PARD3B: variants seen among roughly 807,000 people sequenced by gnomAD.
The protein encoded by PARD3B is par-3 family cell polarity regulator beta.
Under a neutral mutation model 130.2 loss-of-function variants are expected in PARD3B, and 103 were observed. The observed-to-expected ratio is 0.79, with a 90% CI of 0.67 to 0.93. The LOEUF (loss-of-function observed/expected upper bound fraction) is 0.93, where lower values mean the gene tolerates loss of function less well. Ranked by LOEUF, PARD3B falls within the 40% of genes least tolerant of loss-of-function variation. The pLI, the probability that PARD3B is intolerant of heterozygous loss-of-function variation, is 0.00. For synonymous variants in PARD3B, 583 were observed against 553.2 expected (o/e 1.05, Z -0.76); for missense variants, 1,609 against 1,499.2 (o/e 1.07, Z -1.21).
intron 1 of PARD3B, among the ~76,000 whole-genome samples, chr2:204,645,466 T>A (rs1051424834): frequency 6.6e-6 from 1 of 152,160 alleles, no homozygotes; most frequent in Non-Finnish European, 1.5e-5. Context: ...AAATTTTGTT[T>A]CATGGGTTTC....
intron 21 of PARD3B, among the ~76,000 whole-genome samples, chr2:205,526,468 G>C (rs77730142): frequency 0.014 from 2,109 of 152,266 alleles, 12 homozygotes; most frequent in South Asian, 0.027. Context: ...AAGTATGCCA[G>C]CCAGAAAGTC....
At chr2:205,111,914 C>A (rs1298644638) in intron 5 of PARD3B, among the ~76,000 whole-genome samples, 1 of 152,042 alleles carries the variant, frequency 6.6e-6, no homozygotes, top group African/African-American at 2.4e-5. Context: ...TAAAAATGCA[C>A]TATAAATTCT....
In PARD3B at chr2:205,161,651, G is replaced by T. The variant is rs913761457; in HGVS notation, c.1620+2744G>T. 1.8e-4 allele frequency among the ~76,000 whole-genome samples: 28 copies of T among 152,304 alleles called. No individual in the cohort carries two copies. In the East Asian group the frequency reaches 4.4e-3, roughly 24 times the overall value. On this transcript the variant is annotated intron_variant, in intron 11 of 22. Transcript: ENST00000406610. ...GTTTTGAGACTTTGTTCCTGTCCCTGTTGAGAGGATACACATGTAACAGAC... is the reference window on the plus strand; with the variant it reads ...GTTTTGAGACTTTGTTCCTGTCCCTTTTGAGAGGATACACATGTAACAGAC...
chr2:205,343,062 C>T (rs750719219), intron 18 of PARD3B, among the ~76,000 whole-genome samples: 2 of 152,180 alleles, frequency 1.3e-5, no homozygotes, highest in Non-Finnish European at 2.9e-5. Context: ...TCAGCATTAT[C>T]CTCAATGCTA....
At chr2:205,093,558 C>G (rs1165337729) in intron 4 of PARD3B, among the ~76,000 whole-genome samples, 2 of 152,116 alleles carry the variant, frequency 1.3e-5, no homozygotes, top group South Asian at 4.1e-4. Flanking sequence ...GCCAGGCAAG[C>G]AATGGTATTC....
Position 204,677,884 on chromosome 2 carries a change from C to A in PARD3B, c.121-8297C>A, listed in dbSNP as rs937904814. Among the ~76,000 whole-genome samples, 1 of 152,144 alleles carries A rather than the reference C, an allele frequency of 6.6e-6. No homozygotes were observed. The highest frequency in any genetic ancestry group is 2.4e-5 in the African/African-American group (1 of 41,418). On this transcript the variant is annotated intron_variant, in intron 1 of 22. Transcript: ENST00000406610. The surrounding 1 kb of genome is among the most constrained non-coding windows in gnomAD (Gnocchi z 4.1). ...TGTTTTAGGATTTGTCCTTATTCTT[C>A]TGAGGAAACTAGACTTACTCTGAAC...
chr2:205,202,825 G>A (rs1057397327), intron 15 of PARD3B, among the ~76,000 whole-genome samples: 10 of 152,160 alleles, frequency 6.6e-5, no homozygotes, highest in Non-Finnish European at 1.5e-4. Flanking sequence ...AATTAGAAAT[G>A]AGCTTCTACA....
In PARD3B at chr2:205,325,784, A is replaced by G. The variant is rs892485865; in HGVS notation, c.2630+24083A>G. 6.6e-6 allele frequency among the ~76,000 whole-genome samples: 1 copy of G among 152,194 alleles called. No homozygotes were observed. The highest frequency in any genetic ancestry group is 2.4e-5 in the African/African-American group (1 of 41,442). On this transcript the variant is annotated intron_variant, in intron 18 of 22. Transcript: ENST00000406610. The surrounding 1 kb of genome is among the most constrained non-coding windows in gnomAD (Gnocchi z 4.1). ...ACTTTGGAGGTAACTGGCTTCAGAT[A>G]AGGTTATTGAATTTCATAGTCCATT...
chr2:205,072,358 C>T (rs1238227885), intron 4 of PARD3B, among the ~76,000 whole-genome samples: 1 of 151,632 alleles, frequency 6.6e-6, no homozygotes, highest in Non-Finnish European at 1.5e-5. Context: ...TCAAGCGATT[C>T]TCCTGCCTCA....
At chr2:204,938,966 A>C (rs529890836) in intron 2 of PARD3B, among the ~76,000 whole-genome samples, 50 of 152,220 alleles carry the variant, frequency 3.3e-4, no homozygotes, top group Non-Finnish European at 5.4e-4. Flanking sequence ...AGAAAAATAC[A>C]AAACATCACA....
intron 15 of PARD3B, among the ~76,000 whole-genome samples, chr2:205,238,849 A>AATATATATATAT (rs66692400): frequency 1.0e-4 from 8 of 76,902 alleles, no homozygotes; most frequent in Admixed American, 1.9e-4. Context: ...AAAAAAAAAA[A>AATATATATATAT]ATATATATAT....
intron 21 of PARD3B, among the ~76,000 whole-genome samples, chr2:205,532,395 C>T (rs2051639604): frequency 6.6e-6 from 1 of 152,100 alleles, no homozygotes; most frequent in Non-Finnish European, 1.5e-5. Context: ...CAGACTTACT[C>T]CAGAAGGGGT....
At chr2:204,667,460 T>A (rs1253209713) in intron 1 of PARD3B, among the ~76,000 whole-genome samples, 1 of 152,186 alleles carries the variant, frequency 6.6e-6, no homozygotes, top group Non-Finnish European at 1.5e-5. Context: ...GTCTGACCTC[T>A]CTTCTGAGTT....
At chr2:204,941,505 C>G (rs2125802736) in intron 2 of PARD3B, among the ~76,000 whole-genome samples, 1 of 152,330 alleles carries the variant, frequency 6.6e-6, no homozygotes, top group East Asian at 1.9e-4. Context: ...GTTTTCTCCT[C>G]TTAGACTTCC....
At chr2:205,174,868 G>A (rs2035376876) in intron 12 of PARD3B, among the ~76,000 whole-genome samples, 1 of 152,170 alleles carries the variant, frequency 6.6e-6, no homozygotes, top group African/African-American at 2.4e-5. Flanking sequence ...GCCCTTGATT[G>A]AATCAAAATT....
intron 15 of PARD3B, among the ~76,000 whole-genome samples, chr2:205,210,911 C>G: frequency 6.6e-6 from 1 of 152,004 alleles, no homozygotes. Context: ...AAATGTTACT[C>G]TACATTAAAG....
intron 18 of PARD3B, among the ~76,000 whole-genome samples, chr2:205,357,738 T>A (rs1436645007): frequency 6.6e-6 from 1 of 152,102 alleles, no homozygotes; most frequent in East Asian, 1.9e-4. Context: ...GAGTATGAGA[T>A]CTGTAGTGGT....
chr2:204,699,609 T>A (rs2037790545), intron 2 of PARD3B, among the ~76,000 whole-genome samples: 1 of 152,080 alleles, frequency 6.6e-6, no homozygotes, highest in Admixed American at 6.6e-5. Flanking sequence ...AATTTGCAGA[T>A]TTAGTGTGCT....
rs142467697 is a variant in PARD3B, at chr2:205,237,178, C to A, written c.2141-8600C>A. 6.4e-3 allele frequency among the ~76,000 whole-genome samples: 976 copies of A among 152,270 alleles called. 12 individuals are homozygous for A. Among genetic ancestry groups the A allele is most frequent in the African/African-American group, 0.022 (920 of 41,562 alleles). On this transcript the variant is annotated intron_variant, in intron 15 of 22. Coordinates refer to ENST00000406610, the MANE Select transcript of PARD3B (RefSeq NM_001302769.2). ...GCAATGACGCGATCACTGCTCATTGCAACCTCCGCCTCCCAGGTTCAAGCA... is the reference window on the plus strand; with the variant it reads ...GCAATGACGCGATCACTGCTCATTGAAACCTCCGCCTCCCAGGTTCAAGCA...
Sources: allele counts gnomAD v4.1 joint callset (sites outside exome capture counted in the v4.1 genomes callset), GRCh38; gene constraint gnomAD v4.1.1; non-coding constraint Gnocchi (gnomAD v3.1); transcripts MANE v1.5; gene names NCBI Gene and HGNC (gene_info 2026-07-23, HGNC 2026-07-21).